The following RBFOX1 variants were observed in gnomAD, a reference collection of about 807,000 sequenced individuals.
The protein encoded by RBFOX1 is RNA binding protein fox-1 homolog 1.
Under a neutral mutation model 57.7 loss-of-function variants are expected in RBFOX1, and 8 were observed. That is an observed-to-expected ratio of 0.14 (90% CI 0.08 to 0.25). The LOEUF (loss-of-function observed/expected upper bound fraction) is 0.25, where lower values mean the gene tolerates loss of function less well. Among genes scored for constraint, RBFOX1 ranks in the 10% least tolerant of loss-of-function variants. The probability of loss-of-function intolerance (pLI) is 1.00; values close to 1 mark genes in which losing one functional copy is unlikely to be tolerated. For synonymous variants in RBFOX1, 326 were observed against 222.4 expected (o/e 1.47, Z -4.15); for missense variants, 611 against 548.5 (o/e 1.11, Z -1.14).
intron 2 of RBFOX1, among the ~76,000 whole-genome samples, chr16:6,651,335 C>G (rs1048194073): frequency 2.6e-5 from 4 of 152,156 alleles, no homozygotes; most frequent in Non-Finnish European, 4.4e-5. Flanking sequence ...AAGCTGTATC[C>G]TTTCTTTAAA....
intron 4 of RBFOX1, among the ~76,000 whole-genome samples, chr16:7,260,504 C>A (rs1385858176): frequency 6.6e-6 from 1 of 152,006 alleles, no homozygotes; most frequent in African/African-American, 2.4e-5. Context: ...TGTACTCTTT[C>A]CCCGTTAACT....
At chr16:7,483,346 A>G (rs12920363) in intron 4 of RBFOX1, among the ~76,000 whole-genome samples, 54,044 of 152,080 alleles carry the variant, frequency 0.36, 11,602 homozygotes, top group Non-Finnish European at 0.49. Flanking sequence ...GATCAGACTT[A>G]CTGAACCTGT....
chr16:5,652,994 C>T (rs1211000779), intron 3 of RBFOX1, among the ~76,000 whole-genome samples: 13 of 152,112 alleles, frequency 8.5e-5, no homozygotes, highest in Admixed American at 8.5e-4. Flanking sequence ...AGCTGCTGTG[C>T]AGAAGGTGGG....
intron 3 of RBFOX1, among the ~76,000 whole-genome samples, chr16:6,658,095 G>C (rs550355885): frequency 2.0e-5 from 3 of 151,984 alleles, no homozygotes; most frequent in African/African-American, 4.8e-5. Context: ...GGAGTCCTAC[G>C]GGGCCTCTCC....
intron 3 of RBFOX1, among the ~76,000 whole-genome samples, chr16:6,932,168 A>G (rs1349651110): frequency 6.6e-6 from 1 of 152,084 alleles, no homozygotes; most frequent in Non-Finnish European, 1.5e-5. Flanking sequence ...CAGTGGCATG[A>G]TCTTGGCTCA....
chr16:6,266,424 T>C (rs1448593351), intron 1 of RBFOX1, among the ~76,000 whole-genome samples: 1 of 151,994 alleles, frequency 6.6e-6, no homozygotes. Flanking sequence ...AGAATCTATT[T>C]ACTAACAGGC....
chr16:5,664,623 C>T (rs1050373930), intron 3 of RBFOX1, among the ~76,000 whole-genome samples: 10 of 152,118 alleles, frequency 6.6e-5, no homozygotes, highest in African/African-American at 2.4e-4. Flanking sequence ...GCAGCAAACT[C>T]CCTAAGGGTT....
At chr16:6,568,929 T>C (rs77219250) in intron 2 of RBFOX1, among the ~76,000 whole-genome samples, 3,439 of 152,214 alleles carry the variant, frequency 0.023, 131 homozygotes, top group African/African-American at 0.078. Flanking sequence ...CGTGCCATTA[T>C]GCCCACGTGA....
At chr16:7,087,483 A>C (rs17736858) in intron 4 of RBFOX1, among the ~76,000 whole-genome samples, 6,362 of 152,052 alleles carry the variant, frequency 0.042, 209 homozygotes, top group East Asian at 0.17. Context: ...TAAACAGCCA[A>C]ACCAAGAATT....
Position 6,193,379 on chromosome 16 carries a change from T to TATATAATATA in RBFOX1, c.-126-123616_-126-123615insATATAATATA, listed in dbSNP as rs1555545337. 7.3e-4 allele frequency among the ~76,000 whole-genome samples: 46 copies of TATATAATATA among 63,126 alleles called. 1 individual carries two copies. The highest frequency in any genetic ancestry group is 2.3e-3 in the African/African-American group (45 of 19,466). The allele number at this position is 63,126 out of a possible 152,430, so 41.4% of individuals were successfully genotyped here. A position where few individuals can be genotyped will look rare whatever the true frequency, so the allele number is the denominator to read the frequency against. On this transcript the variant is annotated intron_variant, in intron 1 of 15. Coordinates refer to ENST00000550418, the MANE Select transcript of RBFOX1 (RefSeq NM_018723.4). ...CATTATATATATATATATATATACA[T>TATATAATATA]TATATATATATACTATATATATATA...
At chr16:5,867,446 G>C in intron 4 of RBFOX1, 4 of 794,312 alleles carry the variant, frequency 5.0e-6, no homozygotes, top group Non-Finnish European at 6.8e-6. Flanking sequence ...TCATTTCCTG[G>C]TGGCTTGGAT....
At chr16:5,710,483 G>C (rs538825696) in intron 3 of RBFOX1, among the ~76,000 whole-genome samples, 6 of 152,308 alleles carry the variant, frequency 3.9e-5, no homozygotes, top group African/African-American at 1.4e-4. Context: ...GCTAACACAA[G>C]TCACAATGCT....
chr16:6,239,040 C>G (rs2097525935), intron 1 of RBFOX1, among the ~76,000 whole-genome samples: 2 of 151,936 alleles, frequency 1.3e-5, no homozygotes, highest in African/African-American at 2.4e-5. Context: ...TTATTTTTTA[C>G]AAGCTCCTTA....
At chr16:6,315,190 G>C (rs545365013) in intron 1 of RBFOX1, among the ~76,000 whole-genome samples, 3 of 152,374 alleles carry the variant, frequency 2.0e-5, no homozygotes, top group East Asian at 1.9e-4. Flanking sequence ...AAGAAACTCA[G>C]ACAAAGAAAG....
chr16:6,438,870 T>C (rs2094305273), intron 2 of RBFOX1, among the ~76,000 whole-genome samples: 1 of 152,220 alleles, frequency 6.6e-6, no homozygotes, highest in Non-Finnish European at 1.5e-5. Context: ...TTGTGCATGG[T>C]ACTTTGTTAG....
At chr16:5,549,314 C>G (rs2045362177) in intron 2 of RBFOX1, among the ~76,000 whole-genome samples, 1 of 152,238 alleles carries the variant, frequency 6.6e-6, no homozygotes, top group Non-Finnish European at 1.5e-5. Flanking sequence ...CTTGGTTGAA[C>G]TTTGCTTTCT....
At chr16:7,699,850 C>G (rs889876143) in intron 14 of RBFOX1, among the ~76,000 whole-genome samples, 2 of 151,966 alleles carry the variant, frequency 1.3e-5, no homozygotes, top group African/African-American at 4.8e-5. Context: ...TTTCATTTGG[C>G]TCAAATGAAT....
chr16:7,337,553 C>G (rs1186610202), intron 4 of RBFOX1, among the ~76,000 whole-genome samples: 4 of 152,104 alleles, frequency 2.6e-5, no homozygotes, highest in Non-Finnish European at 5.9e-5. Context: ...AAACATAGGT[C>G]AAAAGGAGCT....
chr16:5,376,917 G>A (rs1035368103), intron 1 of RBFOX1, among the ~76,000 whole-genome samples: 1 of 95,546 alleles, frequency 1.0e-5, no homozygotes, highest in African/African-American at 4.1e-5. Context: ...GCCTGCGTTG[G>A]CAGTCTCTTC....
Sources: gnomAD v4.1 joint callset for allele counts (sites outside exome capture counted in the v4.1 genomes callset) on GRCh38, gnomAD v4.1.1 for gene constraint, MANE v1.5 for transcripts, NCBI Gene and HGNC (gene_info 2026-07-23, HGNC 2026-07-21) for gene names.